Variants in RGSL1 observed in about 807,000 individuals in gnomAD.
RGSL1 encodes the protein regulator of G protein signaling like 1.
Under a neutral mutation model 124.7 loss-of-function variants are expected in RGSL1, and 97 were observed. The observed-to-expected ratio is 0.78, with a 90% CI of 0.66 to 0.92. The LOEUF is 0.92. Among genes scored for constraint, RGSL1 ranks in the 40% least tolerant of loss-of-function variants. The pLI is 0.00. For synonymous variants in RGSL1, 424 were observed against 438.1 expected (o/e 0.97, Z 0.40); for missense variants, 1,233 against 1,288.4 (o/e 0.96, Z 0.66).
chr1:182,535,293 TTCC>T (rs1659459614), intron 14 of RGSL1, among the ~76,000 whole-genome samples: 1 of 152,208 alleles, frequency 6.6e-6, no homozygotes, highest in Admixed American at 6.5e-5. Context: ...TTTCTATAGT[TTCC>T]TGCCTCAAAC....
chr1:182,506,246 C>T (rs1378152350), intron 9 of RGSL1, among the ~76,000 whole-genome samples: 1 of 152,110 alleles, frequency 6.6e-6, no homozygotes, highest in Non-Finnish European at 1.5e-5. Flanking sequence ...GTCTATAAGA[C>T]ATGTAATGTT....
At chr1:182,543,342 A>G (rs1419990990) in intron 15 of RGSL1, among the ~76,000 whole-genome samples, 1 of 152,086 alleles carries the variant, frequency 6.6e-6, no homozygotes, top group Non-Finnish European at 1.5e-5. Flanking sequence ...TTAATGTGAT[A>G]TATCATGTTT....
At chr1:182,483,777 T>C (rs555396517) in intron 6 of RGSL1, among the ~76,000 whole-genome samples, 5 of 152,206 alleles carry the variant, frequency 3.3e-5, no homozygotes, top group South Asian at 2.1e-4. Context: ...TGTGGAATGG[T>C]TGGATGTAGG....
At chr1:182,513,691 C>T (rs1657645258) in intron 9 of RGSL1, among the ~76,000 whole-genome samples, 1 of 152,092 alleles carries the variant, frequency 6.6e-6, no homozygotes, top group Non-Finnish European at 1.5e-5. Flanking sequence ...CCAAGGCAAC[C>T]ACTTTCAGGA....
At chr1:182,489,229 G>T (rs909572798) in intron 8 of RGSL1, 27 bp downstream of exon 8, 15 of 1,528,814 alleles carry the variant, frequency 9.8e-6, no homozygotes, top group East Asian at 7.4e-5. Context: ...TAATTTTTTT[G>T]ACCTTTACAT....
chr1:182,509,673 C>A (rs1481696891), intron 9 of RGSL1, among the ~76,000 whole-genome samples: 1 of 137,266 alleles, frequency 7.3e-6, no homozygotes, highest in East Asian at 2.4e-4. Context: ...GGGGGCTGAA[C>A]CCCCCACCTC....
In RGSL1 at chr1:182,550,862, A is replaced by G. The variant is rs41401450; in HGVS notation, c.2934-238A>G. On this transcript the variant is annotated intron_variant, in intron 17 of 21. Coordinates refer to ENST00000294854, the MANE Select transcript of RGSL1 (RefSeq NM_001137669.2). Reference sequence around the variant, plus strand: ...GGCTCCATTCACTGATGGTTCCAGAAAGAAGCCCCAACAAACTGCCCATGC... The same window carrying G: ...GGCTCCATTCACTGATGGTTCCAGAGAGAAGCCCCAACAAACTGCCCATGC... 7.4e-3 allele frequency: 3,798 copies of G among 509,816 alleles called. 113 individuals are homozygous for G. Among genetic ancestry groups the G allele is most frequent in the African/African-American group, 0.066 (3,408 of 51,868 alleles). The allele number at this position is 509,816 out of a possible 1,614,324, so 31.6% of individuals were successfully genotyped here. A position where few individuals can be genotyped will look rare whatever the true frequency, so the allele number is the denominator to read the frequency against.
At chr1:182,555,123 C>T (rs1025648090) in intron 20 of RGSL1, 1 of 164,372 alleles carries the variant, frequency 6.1e-6, no homozygotes, top group Admixed American at 5.8e-5. Context: ...ATTTCTCACC[C>T]TTACCCACCT....
In RGSL1 at chr1:182,516,131, C is replaced by T. The variant is rs932232368; in HGVS notation, c.1826-5873C>T. On this transcript the variant is annotated intron_variant, in intron 9 of 21. Coordinates refer to ENST00000294854, the MANE Select transcript of RGSL1 (RefSeq NM_001137669.2). ...AGGGCTTTACTCCGGTCCTATGTGA[C>T]GGGTAGACCTCCGTGAAGGGAAACA... Among the ~76,000 whole-genome samples the T allele has an allele frequency of 5.9e-5, 9 of 152,272 alleles. No homozygotes were observed. The South Asian group carries it at 1.5e-3, about 25-fold the overall frequency.
At chr1:182,552,335 C>T (rs1049812842) in intron 18 of RGSL1, among the ~76,000 whole-genome samples, 2 of 152,054 alleles carry the variant, frequency 1.3e-5, no homozygotes, top group African/African-American at 2.4e-5. Context: ...AGGATGGTCT[C>T]GATCTCCTGA....
Position 182,473,716 on chromosome 1 carries a change from T to C in RGSL1, c.605T>C (p.Met202Thr). The C allele has an allele frequency of 1.3e-6, 2 of 1,551,734 alleles. No homozygotes were observed. The highest frequency in any genetic ancestry group is 1.7e-4 in the Middle Eastern group (1 of 5,994). The change falls in exon 6 of 22, where the codon ATG becomes ACG. Residue 202 changes from methionine to threonine, a missense_variant. Physicochemically the swap from Met to Thr is moderately conservative, Grantham distance 81. Transcript: ENST00000294854. ...TTTTACACCCACACCAAGATGACCA[T>C]GGCCAAGGAGGAAGCATGCCATGGT... ...PNFYTHTKMT[M>T]AKEEACHGLM...
intron 11 of RGSL1, among the ~76,000 whole-genome samples, chr1:182,529,889 G>A (rs1363631024): frequency 2.0e-5 from 3 of 152,164 alleles, no homozygotes; most frequent in Admixed American, 1.3e-4. Flanking sequence ...TGGATTCCCC[G>A]TCTGCCCAGC....
intron 2 of RGSL1, among the ~76,000 whole-genome samples, chr1:182,455,427 C>A (rs1329172701): frequency 6.6e-6 from 1 of 151,834 alleles, no homozygotes; most frequent in African/African-American, 2.4e-5. Flanking sequence ...ACTAAAAATA[C>A]AAAAATTAGC....
chr1:182,472,493 C>T lies in RGSL1; in HGVS notation c.399C>T (p.Leu133=), dbSNP rs1456835887. The change falls in exon 5 of 22, where the codon CTC becomes CTT. Residue 133 remains leucine, a synonymous_variant. Coordinates refer to ENST00000294854, the MANE Select transcript of RGSL1 (RefSeq NM_001137669.2). ...EVRDYYLSLL[L]MLRATHLQEG... is the part of the protein sequence containing the mutation. ...GAGACTACTACCTGTCCCTCCTCCTCATGCTGAGGGCCACTCATCTGCAGG... is the reference window on the plus strand; with the variant it reads ...GAGACTACTACCTGTCCCTCCTCCTTATGCTGAGGGCCACTCATCTGCAGG... 3.9e-6 allele frequency: 6 copies of T among 1,550,854 alleles called. 1 individual carries two copies. Among genetic ancestry groups the T allele is most frequent in the East Asian group, 4.9e-5 (2 of 40,930 alleles).
chr1:182,509,588 G>A (rs1369328317), intron 9 of RGSL1, among the ~76,000 whole-genome samples: 2 of 130,070 alleles, frequency 1.5e-5, no homozygotes, highest in Admixed American at 1.4e-4. Flanking sequence ...CCAGGCTGAG[G>A]GGCTCCTCAC....
chr1:182,544,506 A>T (rs535894459), intron 15 of RGSL1, among the ~76,000 whole-genome samples: 1 of 152,106 alleles, frequency 6.6e-6, no homozygotes, highest in South Asian at 2.1e-4. Flanking sequence ...AGTTAGGCCT[A>T]TTTGGTGTGG....
At chr1:182,491,057 AT>A (rs1394208614) in intron 8 of RGSL1, among the ~76,000 whole-genome samples, 101 of 143,702 alleles carry the variant, frequency 7.0e-4, no homozygotes, top group Admixed American at 1.7e-3. Context: ...CACCCAGCTA[AT>A]TTTTTTTTTT....
chr1:182,548,646 T>C lies in RGSL1; in HGVS notation c.2809-54T>C, dbSNP rs1053734126. 2.6e-6 allele frequency: 4 copies of C among 1,545,248 alleles called. No individual in the cohort carries two copies. The African/African-American group carries it at 5.5e-5, about 21-fold the overall frequency. On this transcript the variant is annotated intron_variant, in intron 16 of 21. Coordinates refer to ENST00000294854, the MANE Select transcript of RGSL1 (RefSeq NM_001137669.2). ...TGGGGTTCTGGGGGCCAGGAGAGGT[T>C]TTCTGCCTTCCCGTGGAGCCTCTGC...
At chr1:182,509,689 C>A (rs1395822489) in intron 9 of RGSL1, among the ~76,000 whole-genome samples, 1 of 139,486 alleles carries the variant, frequency 7.2e-6, no homozygotes. Flanking sequence ...ACCTCCCTCC[C>A]GGACGGCACG....
Sources: allele counts gnomAD v4.1 joint callset (sites outside exome capture counted in the v4.1 genomes callset), GRCh38; gene constraint gnomAD v4.1.1; transcripts MANE v1.5; gene names NCBI Gene and HGNC (gene_info 2026-07-23, HGNC 2026-07-21).